The following ABHD18 variants were observed in gnomAD, a reference collection of about 807,000 sequenced individuals.
The protein encoded by ABHD18 is cardiolipin-specific deacylase, mitochondrial.
Under a neutral mutation model 65.9 loss-of-function variants are expected in ABHD18, and 55 were observed. The observed-to-expected ratio is 0.84, with a 90% CI of 0.67 to 1.05. The LOEUF (loss-of-function observed/expected upper bound fraction) is 1.05, where lower values mean the gene tolerates loss of function less well. ABHD18 is among the 50% of genes least tolerant of loss of function. ABHD18 has a pLI of 0.00. For missense variants in ABHD18, 533 were observed against 558.5 expected (o/e 0.95, Z 0.46); for synonymous variants, 181 against 180.2 (o/e 1.00, Z -0.04).
intron 4 of ABHD18, among the ~76,000 whole-genome samples, chr4:127,995,745 C>CT (rs1288707316): frequency 2.6e-5 from 4 of 152,024 alleles, no homozygotes; most frequent in Non-Finnish European, 4.4e-5. Flanking sequence ...TTATACTCTG[C>CT]TTTTTTCTAA....
chr4:128,009,089 G>A lies in ABHD18; in HGVS notation c.358-18G>A, dbSNP rs747951881. On this transcript the variant is annotated intron_variant, in intron 5 of 12. Coordinates refer to ENST00000645843, the MANE Select transcript of ABHD18 (RefSeq NM_001358451.3). ...GGCTACTATATTCTTTTGAGTATGTGTTCTTTTCTTTCCTTAGCATTACTG... is the reference window on the plus strand; with the variant it reads ...GGCTACTATATTCTTTTGAGTATGTATTCTTTTCTTTCCTTAGCATTACTG... The A allele has an allele frequency of 6.3e-6, 10 of 1,584,570 alleles. No individual in the cohort carries two copies. Among genetic ancestry groups the A allele is most frequent in the East Asian group, 2.3e-5 (1 of 44,130 alleles).
rs1344802459 is a variant in ABHD18, at chr4:128,035,780, A to G, written c.1362A>G (p.Ala454=). The change falls in exon 13 of 13, where the codon GCA becomes GCG. Residue 454 remains alanine (A), a synonymous_variant. Coordinates refer to ENST00000645843, the MANE Select transcript of ABHD18 (RefSeq NM_001358451.3). ...QGLFRQAIYD[A]FDRFLHKYAN is the part of the protein sequence containing the mutation. The stretch of plus-strand genomic sequence containing the variant: ...ATTTTAGACAAGCCATCTATGATGC[A>G]TTTGACCGCTTCCTCCATAAATACG... The G allele has an allele frequency of 3.9e-6, 6 of 1,538,580 alleles. No individual in the cohort carries two copies. The highest frequency in any genetic ancestry group is 4.4e-6 in the Non-Finnish European group (5 of 1,138,272).
chr4:127,970,949 C>G (rs1409199761), intron 1 of ABHD18, among the ~76,000 whole-genome samples: 1 of 151,998 alleles, frequency 6.6e-6, no homozygotes, highest in Non-Finnish European at 1.5e-5. Flanking sequence ...GTGGTACATG[C>G]CTGTAATCCC....
intron 4 of ABHD18, among the ~76,000 whole-genome samples, chr4:127,995,946 G>A (rs572841257): frequency 6.6e-6 from 1 of 152,156 alleles, no homozygotes; most frequent in Non-Finnish European, 1.5e-5. Flanking sequence ...AAGAGCCATG[G>A]GCCATGACTC....
chr4:128,020,447 C>A (rs370758567), intron 9 of ABHD18, among the ~76,000 whole-genome samples: 12 of 152,306 alleles, frequency 7.9e-5, no homozygotes, highest in East Asian at 1.9e-4. Flanking sequence ...ATTCTTCCAA[C>A]AATAATTATT....
chr4:127,985,226 CTTT>C (rs1219745874), intron 3 of ABHD18, among the ~76,000 whole-genome samples: 3 of 147,958 alleles, frequency 2.0e-5, no homozygotes, highest in South Asian at 2.1e-4. Context: ...TTTTTGTAAT[CTTT>C]TTTTTTTAAG....
At chr4:128,023,677 G>C (rs1486514998) in intron 10 of ABHD18, among the ~76,000 whole-genome samples, 1 of 151,584 alleles carries the variant, frequency 6.6e-6, no homozygotes, top group Non-Finnish European at 1.5e-5. Flanking sequence ...TCAGGAGATC[G>C]AGACCATATT....
chr4:128,029,616 G>A (rs1026599689), intron 11 of ABHD18, among the ~76,000 whole-genome samples: 4 of 152,200 alleles, frequency 2.6e-5, no homozygotes, highest in African/African-American at 9.7e-5. Flanking sequence ...TTGAGGTCAG[G>A]AGTTTGAGAC....
At chr4:127,978,417 G>A (rs545254512) in intron 1 of ABHD18, among the ~76,000 whole-genome samples, 112 of 152,220 alleles carry the variant, frequency 7.4e-4, no homozygotes, top group Non-Finnish European at 1.4e-3. Flanking sequence ...CTTTTACAGC[G>A]TATTGAGGAG....
chr4:128,038,086 T>C lies in ABHD18; in HGVS notation c.*2273T>C, dbSNP rs1269622037. ...GTCTTTTTAAAGGAGATTTCATTTG[T>C]CACCTCTATGCCTCTATCATCTTAA... On this transcript the variant is annotated 3_prime_UTR_variant, in exon 13 of 13. Transcript: ENST00000645843. The C allele has an allele frequency of 6.6e-6, 1 of 152,218 alleles. No homozygotes were observed. The highest frequency in any genetic ancestry group is 2.4e-5 in the African/African-American group (1 of 41,464). 9.4% of individuals were successfully genotyped at this position (152,218 alleles called of 1,614,324 possible).
intron 1 of ABHD18, among the ~76,000 whole-genome samples, chr4:127,969,564 C>G (rs893588615): frequency 6.6e-6 from 1 of 152,086 alleles, no homozygotes; most frequent in African/African-American, 2.4e-5. Context: ...TAGTACTTTA[C>G]AAAATATTTG....
intron 6 of ABHD18, among the ~76,000 whole-genome samples, chr4:128,009,857 C>T (rs1269106034): frequency 6.6e-6 from 1 of 152,106 alleles, no homozygotes; most frequent in Non-Finnish European, 1.5e-5. Context: ...AATTAAATAA[C>T]AAAAACATGT....
At chr4:127,983,378 C>T (rs889307486) in intron 2 of ABHD18, among the ~76,000 whole-genome samples, 3 of 152,070 alleles carry the variant, frequency 2.0e-5, no homozygotes, top group Non-Finnish European at 4.4e-5. Context: ...TTAGATAACC[C>T]GAATTTGTAA....
intron 4 of ABHD18, among the ~76,000 whole-genome samples, chr4:128,008,605 T>C (rs1465906215): frequency 1.3e-5 from 2 of 152,088 alleles, no homozygotes; most frequent in African/African-American, 2.4e-5. Context: ...CTTACTCATA[T>C]ATAGTGGTGT....
At chr4:127,996,007 A>T (rs1356559738) in intron 4 of ABHD18, among the ~76,000 whole-genome samples, 1 of 152,218 alleles carries the variant, frequency 6.6e-6, no homozygotes, top group Non-Finnish European at 1.5e-5. Flanking sequence ...TATGGTACTT[A>T]ACGGCTTCCC....
At chr4:127,974,311 C>T (rs1747475742) in intron 1 of ABHD18, among the ~76,000 whole-genome samples, 1 of 147,274 alleles carries the variant, frequency 6.8e-6, no homozygotes, top group Non-Finnish European at 1.5e-5. Context: ...TATCCTCCTA[C>T]CTCAGCCTTT....
rs143560884 is a variant in ABHD18 at position 128,011,810 on chromosome 4, T to TG, written c.470+120dup. 1,057 of 248,490 alleles carry TG rather than the reference T, an allele frequency of 4.3e-3. 6 individuals carry two copies. The highest frequency in any genetic ancestry group is 8.4e-3 in the African/African-American group (333 of 39,850). The allele number at this position is 248,490 out of a possible 1,614,324, so 15.4% of individuals were successfully genotyped here. Reference sequence around the variant, plus strand: ...TTCTAAATTGAATACCTAAATATTATGGGGGGGGGGAGTTCTGTTATGAAA... The same window carrying TG: ...TTCTAAATTGAATACCTAAATATTATGGGGGGGGGGGAGTTCTGTTATGAAA... On this transcript the variant is annotated intron_variant, in intron 7 of 12. Transcript: ENST00000645843.
intron 4 of ABHD18, among the ~76,000 whole-genome samples, chr4:127,998,848 G>C (rs1178543936): frequency 6.6e-6 from 1 of 152,092 alleles, no homozygotes; most frequent in African/African-American, 2.4e-5. Flanking sequence ...TCTGTAGCTT[G>C]TCTTTAACTC....
chr4:127,979,718 C>G (rs974393056), intron 1 of ABHD18, among the ~76,000 whole-genome samples: 7 of 152,026 alleles, frequency 4.6e-5, no homozygotes, highest in Admixed American at 1.3e-4. Flanking sequence ...GAGTTTGAGA[C>G]CAGCCTGGCC....
Sources: allele counts gnomAD v4.1 joint callset (sites outside exome capture counted in the v4.1 genomes callset), GRCh38; gene constraint gnomAD v4.1.1; transcripts MANE v1.5; gene names NCBI Gene and HGNC (gene_info 2026-07-23, HGNC 2026-07-21).